The following CNBD1 variants were observed in gnomAD, a reference collection of about 807,000 sequenced individuals.
The protein encoded by CNBD1 is cyclic nucleotide binding domain containing 1.
A neutral mutation model predicts 54.4 loss-of-function variants in CNBD1; 71 were observed. The ratio of observed to expected loss-of-function variants is 1.30; its 90% confidence interval spans 1.08 to 1.59. The LOEUF (loss-of-function observed/expected upper bound fraction) is 1.59, where lower values mean the gene tolerates loss of function less well. CNBD1 is among the 40% of genes most tolerant of loss of function. CNBD1 has a pLI of 0.00. For synonymous variants in CNBD1, 182 were observed against 170.7 expected (o/e 1.07, Z -0.51); for missense variants, 659 against 518.0 (o/e 1.27, Z -2.64).
chr8:87,259,849 T>C (rs1318903092), intron 6 of CNBD1, among the ~76,000 whole-genome samples: 1 of 152,170 alleles, frequency 6.6e-6, no homozygotes, highest in African/African-American at 2.4e-5. Flanking sequence ...ACCACAGGAC[T>C]CTTTAATAAA....
At chr8:86,962,736 A>T (rs1428564219) in intron 4 of CNBD1, among the ~76,000 whole-genome samples, 1 of 152,040 alleles carries the variant, frequency 6.6e-6, no homozygotes, top group Non-Finnish European at 1.5e-5. Context: ...CAGTGAGCTG[A>T]GATGGTGCCA....
At chr8:86,971,737 A>G (rs1445766605) in intron 4 of CNBD1, among the ~76,000 whole-genome samples, 1 of 151,964 alleles carries the variant, frequency 6.6e-6, no homozygotes, top group Non-Finnish European at 1.5e-5. Flanking sequence ...TTCTTATTAT[A>G]TTTTCTAACT....
At chr8:87,010,701 C>T (rs1213781383) in intron 4 of CNBD1, among the ~76,000 whole-genome samples, 6 of 152,224 alleles carry the variant, frequency 3.9e-5, no homozygotes, top group African/African-American at 7.2e-5. Context: ...GCCGTGATCA[C>T]GCCACTACAC....
intron 2 of CNBD1, among the ~76,000 whole-genome samples, chr8:87,388,187 A>G (rs1479858444): frequency 6.6e-6 from 1 of 152,204 alleles, no homozygotes; most frequent in African/African-American, 2.4e-5. Context: ...CATCACAATT[A>G]AAAGAACTAG....
rs552562392 is a variant in CNBD1, at chr8:87,071,387, A to G, written c.431+131633A>G. ...CTGAGAATCCTTAACAAAACTCTTG[A>G]AAAGGCTCCATTCATTAGCAGGCTT... On this transcript the variant is annotated intron_variant, in intron 4 of 10. Transcript: ENST00000518476. Among the ~76,000 whole-genome samples, 26 of 152,252 alleles carry G rather than the reference A, an allele frequency of 1.7e-4. No individual in the cohort carries two copies. In the East Asian group the frequency reaches 5.0e-3, roughly 29 times the overall value.
At chr8:87,414,395 A>C (rs940803105) in intron 2 of CNBD1, among the ~76,000 whole-genome samples, 19 of 152,114 alleles carry the variant, frequency 1.2e-4, no homozygotes, top group Non-Finnish European at 2.6e-4. Flanking sequence ...GGTGGGAGGG[A>C]TAGCATTAGG....
At chr8:87,300,132 T>G (rs1442669857) in intron 8 of CNBD1, among the ~76,000 whole-genome samples, 1 of 152,182 alleles carries the variant, frequency 6.6e-6, no homozygotes, top group Non-Finnish European at 1.5e-5. Flanking sequence ...ACTTGCAGTT[T>G]AAAAAATATA....
chr8:87,233,473 A>G (rs1360980940), intron 5 of CNBD1, among the ~76,000 whole-genome samples: 1 of 152,184 alleles, frequency 6.6e-6, no homozygotes, highest in Admixed American at 6.5e-5. Flanking sequence ...AAAAATATAT[A>G]TACCTTAATT....
At chr8:87,214,130 G>A (rs1266547145) in intron 5 of CNBD1, among the ~76,000 whole-genome samples, 1 of 152,158 alleles carries the variant, frequency 6.6e-6, no homozygotes, top group Non-Finnish European at 1.5e-5. Context: ...TACTTTCATG[G>A]GCTAGTGTTG....
chr8:86,887,705 C>A, intron 2 of CNBD1, 94 bp downstream of exon 2: 1 of 842,362 alleles, frequency 1.2e-6, no homozygotes, highest in African/African-American at 1.7e-5. Context: ...ATTGCTGGCT[C>A]TCAGAGGTAC....
chr8:86,952,434 T>C (rs937845692), intron 4 of CNBD1, among the ~76,000 whole-genome samples: 6 of 152,142 alleles, frequency 3.9e-5, no homozygotes, highest in Non-Finnish European at 8.8e-5. Context: ...TTTATATAGA[T>C]ATATTACAGT....
intron 1 of CNBD1, among the ~76,000 whole-genome samples, chr8:86,867,697 C>A (rs1808384554): frequency 6.6e-6 from 1 of 152,218 alleles, no homozygotes; most frequent in South Asian, 2.1e-4. Flanking sequence ...ACAGCTTCTA[C>A]TATTCATGTT....
At chr8:86,901,215 T>C (rs2131804296) in intron 2 of CNBD1, among the ~76,000 whole-genome samples, 1 of 152,304 alleles carries the variant, frequency 6.6e-6, no homozygotes, top group East Asian at 1.9e-4. Context: ...ATATAAAATA[T>C]AGAGTCAGCT....
intron 2 of CNBD1, among the ~76,000 whole-genome samples, chr8:87,426,381 A>G (rs1185247919): frequency 6.6e-6 from 1 of 152,170 alleles, no homozygotes; most frequent in Non-Finnish European, 1.5e-5. Context: ...ATGCAACATC[A>G]TGATCGGAGT....
In CNBD1 at chr8:86,921,463, CT is replaced by C. The variant is rs534388032; in HGVS notation, c.272+16270del. Among the ~76,000 whole-genome samples, 444 of 152,180 alleles carry C rather than the reference CT, an allele frequency of 2.9e-3. 2 individuals carry two copies. Among genetic ancestry groups the C allele is most frequent in the African/African-American group, 0.01 (417 of 41,534 alleles). ...AATACTGTATTAGTCTGTTCTCACA[CT>C]GCTAATAAAGACACAACTGAGACTT... On this transcript the variant is annotated intron_variant, in intron 3 of 10. Coordinates refer to ENST00000518476, the MANE Select transcript of CNBD1 (RefSeq NM_173538.3).
chr8:87,394,925 T>C (rs1199598140), intron 2 of CNBD1, among the ~76,000 whole-genome samples: 3 of 151,896 alleles, frequency 2.0e-5, no homozygotes, highest in Non-Finnish European at 4.4e-5. Flanking sequence ...GAGACATTAT[T>C]ACCATTAAGT....
chr8:87,337,502 G>A (rs1228550941), intron 8 of CNBD1, among the ~76,000 whole-genome samples: 2 of 152,228 alleles, frequency 1.3e-5, no homozygotes, highest in Non-Finnish European at 2.9e-5. Flanking sequence ...TTCAGCAGTG[G>A]TGATGGCCAT....
chr8:87,254,544 T>A (rs2336990), intron 6 of CNBD1, among the ~76,000 whole-genome samples: 47,569 of 152,064 alleles, frequency 0.31, 8,566 homozygotes, highest in African/African-American at 0.5. Flanking sequence ...TAGAGGATTC[T>A]CATCAACTGA....
chr8:86,881,121 C>A (rs1211736091), intron 1 of CNBD1, among the ~76,000 whole-genome samples: 14 of 152,138 alleles, frequency 9.2e-5, no homozygotes. Flanking sequence ...CAGCACAAGA[C>A]AAGGATGCCC....
Sources: allele counts gnomAD v4.1 joint callset (sites outside exome capture counted in the v4.1 genomes callset), GRCh38; gene constraint gnomAD v4.1.1; transcripts MANE v1.5; gene names NCBI Gene and HGNC (gene_info 2026-07-23, HGNC 2026-07-21).